The following BMP2K variants were observed in gnomAD, a reference collection of about 807,000 sequenced individuals.
BMP2K encodes BMP2 inducible kinase.
In BMP2K, 74 loss-of-function variants were observed where a neutral mutation model predicts 116.0. The observed-to-expected ratio is 0.64, with a 90% CI of 0.53 to 0.77. The LOEUF (loss-of-function observed/expected upper bound fraction) is 0.77, where lower values mean the gene tolerates loss of function less well. Among genes scored for constraint, BMP2K ranks in the 30% least tolerant of loss-of-function variants. The pLI, the probability that BMP2K is intolerant of heterozygous loss-of-function variation, is 0.00. For missense variants in BMP2K, 1,365 were observed against 1,403.6 expected, an observed-to-expected ratio of 0.97 and a Z score of 0.44; for synonymous variants, 486 against 502.5, an observed-to-expected ratio of 0.97 and a Z score of 0.44.
intron 9 of BMP2K, 88 bp from the exon 10 acceptor site, chr4:78,865,469 G>A (rs571661026): frequency 2.2e-5 from 28 of 1,246,910 alleles, no homozygotes; most frequent in Non-Finnish European, 2.8e-5. Flanking sequence ...TAGTTAAAAT[G>A]TATCTGTTGA....
intron 7 of BMP2K, among the ~76,000 whole-genome samples, chr4:78,854,065 C>T (rs1369111524): frequency 6.6e-6 from 1 of 151,006 alleles, no homozygotes; most frequent in East Asian, 2.0e-4. Flanking sequence ...CATAAATTAT[C>T]ATATATTCCA....
rs2110110431 is a variant in BMP2K, at chr4:78,911,289, A to G, written c.2742A>G (p.Ala914=). ...AGGTGAATGTACAAGAATGCCATGC[A>G]GTGGGGCCTGAGGCACATACTATCC... ...SKKVNVQECH[A]VGPEAHTIPG... Residue 914 remains alanine (A), a synonymous_variant, in exon 16 of 16, where the codon GCA becomes GCG. Coordinates refer to ENST00000502613, the MANE Select transcript of BMP2K (RefSeq NM_198892.2). 6.2e-7 allele frequency: 1 copy of G among 1,614,010 alleles called. No individual in the cohort carries two copies. Among genetic ancestry groups the G allele is most frequent in the Non-Finnish European group, 8.5e-7 (1 of 1,179,890 alleles).
At chr4:78,872,463 T>C in intron 12 of BMP2K, 151 bp from the exon 13 acceptor site, 1 of 634,738 alleles carries the variant, frequency 1.6e-6, no homozygotes, top group Non-Finnish European at 2.5e-6. Context: ...GCTGTAGTTT[T>C]CTAGTAATAG....
intron 1 of BMP2K, among the ~76,000 whole-genome samples, chr4:78,822,672 A>G (rs911419044): frequency 1.3e-5 from 2 of 152,122 alleles, no homozygotes; most frequent in South Asian, 2.1e-4. Flanking sequence ...TGTAACAACT[A>G]TGCTTTACAG....
chr4:78,809,354 G>GT lies in BMP2K; in HGVS notation c.179-16673dup, dbSNP rs200840236. ...CTACTTGTGCCTTTTAATCTAAAGT[G>GT]TTTTTTTTTTCGTGTGTTTGTTTTT... On this transcript the variant is annotated intron_variant, in intron 1 of 15. Transcript: ENST00000502613. Among the ~76,000 whole-genome samples, 401 of 146,506 alleles carry GT rather than the reference G, an allele frequency of 2.7e-3. 5 individuals are homozygous for GT. Among genetic ancestry groups the GT allele is most frequent in the African/African-American group, 8.2e-3 (327 of 40,040 alleles).
At chr4:78,798,946 G>T (rs1728432296) in intron 1 of BMP2K, among the ~76,000 whole-genome samples, 1 of 152,162 alleles carries the variant, frequency 6.6e-6, no homozygotes, top group Non-Finnish European at 1.5e-5. Flanking sequence ...TCTAGACCGT[G>T]CTGACACACA....
rs184174678 is a variant in BMP2K at position 78,779,251 on chromosome 4, C to A, written c.178+2530C>A. 1.6e-4 allele frequency among the ~76,000 whole-genome samples: 25 copies of A among 152,274 alleles called. 1 individual carries two copies. The highest frequency in any genetic ancestry group is 1.2e-3 in the Admixed American group (19 of 15,294). Reference sequence around the variant, plus strand: ...ATACAACCTTGTTTTATGTCTGTTGCAGTTTAAATACACCTTATTTAATAT... The same window carrying A: ...ATACAACCTTGTTTTATGTCTGTTGAAGTTTAAATACACCTTATTTAATAT... On this transcript the variant is annotated intron_variant, in intron 1 of 15. Coordinates refer to ENST00000502613, the MANE Select transcript of BMP2K (RefSeq NM_198892.2).
intron 1 of BMP2K, among the ~76,000 whole-genome samples, chr4:78,813,156 C>T (rs1483730617): frequency 6.6e-6 from 1 of 152,146 alleles, no homozygotes; most frequent in African/African-American, 2.4e-5. Context: ...AGTCCAAAAG[C>T]CCTGAAACCT....
At chr4:78,859,537 A>G (rs753511920) in intron 7 of BMP2K, 47 bp from the exon 8 acceptor site, 2 of 1,271,374 alleles carry the variant, frequency 1.6e-6, no homozygotes, top group South Asian at 1.3e-5. Context: ...TAAGTAGTAT[A>G]ATGTGTGTTT....
chr4:78,888,284 T>A (rs1047086152), intron 15 of BMP2K: 1 of 152,220 alleles, frequency 6.6e-6, no homozygotes, highest in Admixed American at 6.5e-5. Context: ...ATGACATAAT[T>A]AACTGGGGAA....
chr4:78,847,028 A>G (rs1465481980), intron 5 of BMP2K, among the ~76,000 whole-genome samples, 160 bp from the exon 6 acceptor site: 1 of 151,468 alleles, frequency 6.6e-6, no homozygotes. Flanking sequence ...TTAATCCTTG[A>G]CGGGTTTTTA....
intron 7 of BMP2K, among the ~76,000 whole-genome samples, chr4:78,856,205 GA>G (rs1731499854): frequency 6.6e-6 from 1 of 151,926 alleles, no homozygotes; most frequent in Non-Finnish European, 1.5e-5. Flanking sequence ...TTTTTTTAAA[GA>G]GACAGGGTCT....
rs112941877 is a variant in BMP2K, at chr4:78,807,000, C to T, written c.179-19037C>T. On this transcript the variant is annotated intron_variant, in intron 1 of 15. Transcript: ENST00000502613. ...GAGTAGCTGGGATTACAGGCGCCTG[C>T]TACCACCCCCAGCTAATTTTCGTAT... 2.6e-5 allele frequency among the ~76,000 whole-genome samples: 4 copies of T among 152,150 alleles called. 1 individual carries two copies. Among genetic ancestry groups the T allele is most frequent in the African/African-American group, 9.6e-5 (4 of 41,488 alleles).
intron 3 of BMP2K, 75 bp downstream of exon 3, chr4:78,833,762 C>T: frequency 8.6e-6 from 8 of 926,114 alleles, no homozygotes; most frequent in Non-Finnish European, 1.2e-5. Flanking sequence ...TTTGTTATTT[C>T]CAGGGTAGCT....
At chr4:78,786,275 A>C (rs1180705423) in intron 1 of BMP2K, among the ~76,000 whole-genome samples, 1 of 152,142 alleles carries the variant, frequency 6.6e-6, no homozygotes, top group Non-Finnish European at 1.5e-5. Context: ...GCACTACATA[A>C]GGTTAGAGTG....
At chr4:78,898,289 T>C (rs1349100880) in intron 15 of BMP2K, among the ~76,000 whole-genome samples, 2 of 152,078 alleles carry the variant, frequency 1.3e-5, no homozygotes, top group African/African-American at 4.8e-5. Flanking sequence ...TTACATTACA[T>C]AGAGCAAATA....
At chr4:78,889,488 A>G (rs1420696147) in intron 15 of BMP2K, among the ~76,000 whole-genome samples, 1 of 152,160 alleles carries the variant, frequency 6.6e-6, no homozygotes, top group Non-Finnish European at 1.5e-5. Flanking sequence ...ACTTATTATA[A>G]AGCTTTGAAA....
intron 15 of BMP2K, among the ~76,000 whole-genome samples, chr4:78,892,593 T>A (rs1172646027): frequency 6.6e-6 from 1 of 152,204 alleles, no homozygotes; most frequent in Non-Finnish European, 1.5e-5. Flanking sequence ...AGGAATAATT[T>A]GCTACTCTTT....
chr4:78,908,409 T>C (rs534483436), intron 15 of BMP2K, among the ~76,000 whole-genome samples: 1 of 152,348 alleles, frequency 6.6e-6, no homozygotes, highest in East Asian at 1.9e-4. Context: ...AGCTGTTTTC[T>C]TCCTCCTCTC....
Sources: gnomAD v4.1 joint callset for allele counts (sites outside exome capture counted in the v4.1 genomes callset) on GRCh38, gnomAD v4.1.1 for gene constraint, MANE v1.5 for transcripts, NCBI Gene and HGNC (gene_info 2026-07-23, HGNC 2026-07-21) for gene names.